The following SLC5A11 variants were observed in gnomAD, a reference collection of about 807,000 sequenced individuals.
SLC5A11 encodes solute carrier family 5 member 11.
A neutral mutation model predicts 69.8 loss-of-function variants in SLC5A11; 48 were observed. That is an observed-to-expected ratio of 0.69 (90% confidence interval 0.55 to 0.87). SLC5A11 has a LOEUF of 0.87. SLC5A11 is among the 40% of genes least tolerant of loss of function. The probability of loss-of-function intolerance (pLI) is 0.00; values close to 1 mark genes in which losing one functional copy is unlikely to be tolerated. For missense variants in SLC5A11, 784 were observed against 866.1 expected, an observed-to-expected ratio of 0.91 and a Z score of 1.19; for synonymous variants, 319 against 342.4, an observed-to-expected ratio of 0.93 and a Z score of 0.75.
At chr16:24,851,727 G>A (rs1356140381) in intron 1 of SLC5A11, among the ~76,000 whole-genome samples, 2 of 152,152 alleles carry the variant, frequency 1.3e-5, no homozygotes, top group African/African-American at 4.8e-5. Context: ...AACCTGTGAC[G>A]TATGTCTAAT....
exon 10 of SLC5A11, chr16:24,898,086 T>C: frequency 6.2e-7 from 1 of 1,614,118 alleles, no homozygotes; most frequent in African/African-American, 1.3e-5. Context: ...TTCCCTGGGA[T>C]GGTCAGCCGC....
chr16:24,908,904 G>A (rs377195459), exon 14 of SLC5A11: 19 of 1,613,654 alleles, frequency 1.2e-5, no homozygotes, highest in African/African-American at 1.1e-4. Context: ...GCCTGATCTC[G>A]GGCCTGCTCC....
rs1208832509 is a variant in SLC5A11 at position 24,877,367 on chromosome 16, A to G, written c.583+4A>G. 1 of 1,611,042 alleles carries G rather than the reference A, an allele frequency of 6.2e-7. No homozygotes were observed. Among genetic ancestry groups the G allele is most frequent in the Admixed American group, 1.7e-5 (1 of 59,936 alleles). ...ACTGCTGTATACACGGTTGCTGGTA[A>G]GACTGAACAAAGGGTAACACCTAGC... is the stretch of plus-strand genomic sequence containing the variant. On this transcript the variant is annotated splice_donor_region_variant and intron_variant, in intron 7 of 15. Coordinates refer to ENST00000347898, the Ensembl canonical transcript of SLC5A11.
At chr16:24,881,479 G>A (rs1442616363) in intron 7 of SLC5A11, among the ~76,000 whole-genome samples, 2 of 151,968 alleles carry the variant, frequency 1.3e-5, no homozygotes, top group Non-Finnish European at 2.9e-5. Context: ...GTAGAGAAAG[G>A]GTTTCACTGT....
chr16:24,910,532 G>T, intron 15 of SLC5A11, 55 bp downstream of exon 16: 14 of 1,375,102 alleles, frequency 1.0e-5, no homozygotes, highest in Admixed American at 4.7e-5. Context: ...TAAAGGGATT[G>T]ATTTTTTTTT....
chr16:24,897,995 G>T, exon 10 of SLC5A11: 1 of 1,614,062 alleles, frequency 6.2e-7, no homozygotes. Flanking sequence ...GCGGACTCTG[G>T]CTGCCAAGAA....
chr16:24,869,903 G>A (rs747344361), exon 4 of SLC5A11: 2 of 1,613,354 alleles, frequency 1.2e-6, no homozygotes, highest in South Asian at 2.2e-5. Flanking sequence ...CCCCACAGGT[G>A]GGTGCATCCT....
At chr16:24,882,985 T>G (rs761502152) in intron 7 of SLC5A11, among the ~76,000 whole-genome samples, 1 of 152,156 alleles carries the variant, frequency 6.6e-6, no homozygotes, top group Non-Finnish European at 1.5e-5. Flanking sequence ...CCAACAAGAA[T>G]CCTCTGAGGC....
At chr16:24,890,596 C>T (rs750209625) in intron 8 of SLC5A11, among the ~76,000 whole-genome samples, 8 of 150,482 alleles carry the variant, frequency 5.3e-5, no homozygotes, top group Non-Finnish European at 8.8e-5. Flanking sequence ...TACTTTGTGA[C>T]GGAGGTTTCA....
At chr16:24,869,753 T>C (rs1228660310) in intron 3 of SLC5A11, 148 bp from the exon 5 acceptor site, 1 of 598,114 alleles carries the variant, frequency 1.7e-6, no homozygotes. Flanking sequence ...CTCATTCTAA[T>C]GTAAACAAAA....
chr16:24,897,766 CT>C (rs2152391723), intron 9 of SLC5A11, among the ~76,000 whole-genome samples: 1 of 152,246 alleles, frequency 6.6e-6, no homozygotes. Context: ...GGGGTTTCCC[CT>C]TATAAAACCA....
intron 10 of SLC5A11, among the ~76,000 whole-genome samples, chr16:24,903,030 T>C (rs1189380556): frequency 1.3e-5 from 2 of 152,172 alleles, no homozygotes; most frequent in Non-Finnish European, 2.9e-5. Flanking sequence ...AAGTGGGCAT[T>C]GTGTATTTGA....
chr16:24,896,942 C>CTTTTTTTTTTTTTTTT lies in SLC5A11; in HGVS notation c.871-1019_871-1004dup, dbSNP rs869210839. Among the ~76,000 whole-genome samples, 5 of 97,092 alleles carry CTTTTTTTTTTTTTTTT rather than the reference C, an allele frequency of 5.1e-5. 2 individuals carry two copies. The highest frequency in any genetic ancestry group is 5.0e-5 in the African/African-American group (1 of 19,916). The allele number at this position is 97,092 out of a possible 152,430, so 63.7% of individuals were successfully genotyped here. A position where few individuals can be genotyped will look rare whatever the true frequency, so the allele number is the denominator to read the frequency against. On this transcript the variant is annotated intron_variant, in intron 9 of 15. Transcript: ENST00000347898. ...CACCAGGAGTTAGACAACCTCCTTCCTTTTTTTTTTTTTTTTTTTTTTTTT... is the reference window on the plus strand; with the variant it reads ...CACCAGGAGTTAGACAACCTCCTTCCTTTTTTTTTTTTTTTTTTTTTTTTTTTTTTTTTTTTTTTTT...
intron 9 of SLC5A11, among the ~76,000 whole-genome samples, chr16:24,897,039 A>C (rs1029695367): frequency 8.7e-5 from 11 of 127,076 alleles, no homozygotes; most frequent in Non-Finnish European, 1.7e-4. Flanking sequence ...TGCACCCTCC[A>C]CCTCCCGGGT....
chr16:24,876,102 A>T (rs1340283113), intron 6 of SLC5A11, among the ~76,000 whole-genome samples: 1 of 151,928 alleles, frequency 6.6e-6, no homozygotes, highest in Non-Finnish European at 1.5e-5. Flanking sequence ...AGGCTGAGGC[A>T]GGAGAATTGC....
At chr16:24,860,194 G>A (rs914641695) in intron 2 of SLC5A11, among the ~76,000 whole-genome samples, 2 of 152,222 alleles carry the variant, frequency 1.3e-5, no homozygotes, top group East Asian at 3.8e-4. Flanking sequence ...GGCTGAGGCA[G>A]GAGAATGGCA....
At chr16:24,909,264 C>T (rs973895058) in intron 14 of SLC5A11, among the ~76,000 whole-genome samples, 168 bp downstream of exon 15, 5 of 152,300 alleles carry the variant, frequency 3.3e-5, no homozygotes, top group African/African-American at 9.6e-5. Flanking sequence ...TCATCAGAAT[C>T]CATCTGCACT....
intron 2 of SLC5A11, among the ~76,000 whole-genome samples, chr16:24,860,037 G>A (rs1287234380): frequency 2.6e-5 from 4 of 152,130 alleles, no homozygotes; most frequent in African/African-American, 9.7e-5. Flanking sequence ...TGTAATCCCA[G>A]CACTTTGGGA....
At chr16:24,909,852 A>G (rs1272206039) in intron 14 of SLC5A11, among the ~76,000 whole-genome samples, 7 of 135,152 alleles carry the variant, frequency 5.2e-5, no homozygotes, top group African/African-American at 1.9e-4. Flanking sequence ...AAAAAAAAAA[A>G]GTAAAAATAA....
Sources: allele counts gnomAD v4.1 joint callset (sites outside exome capture counted in the v4.1 genomes callset), GRCh38; gene constraint gnomAD v4.1.1; transcripts MANE v1.5; gene names NCBI Gene and HGNC (gene_info 2026-07-23, HGNC 2026-07-21).